Variants in PLCZ1 observed in about 807,000 individuals in gnomAD.
The protein encoded by PLCZ1 is 1-phosphatidylinositol 4,5-bisphosphate phosphodiesterase zeta-1.
Under a neutral mutation model 76.8 loss-of-function variants are expected in PLCZ1, and 64 were observed. The observed-to-expected ratio is 0.83, with a 90% CI of 0.68 to 1.03. The LOEUF (loss-of-function observed/expected upper bound fraction) is 1.03, where lower values mean the gene tolerates loss of function less well. Among genes scored for constraint, PLCZ1 ranks in the 50% least tolerant of loss-of-function variants. The pLI, the probability that PLCZ1 is intolerant of heterozygous loss-of-function variation, is 0.00. For missense variants in PLCZ1, 751 were observed against 713.7 expected (o/e 1.05, Z -0.60); for synonymous variants, 248 against 230.8 (o/e 1.07, Z -0.68).
At chr12:18,707,724 A>G (rs904276977) in intron 6 of PLCZ1, among the ~76,000 whole-genome samples, 1 of 152,074 alleles carries the variant, frequency 6.6e-6, no homozygotes, top group East Asian at 1.9e-4. Flanking sequence ...TCTTTTTCCA[A>G]ATAGTGACTA....
chr12:18,671,050 G>A, the PLCZ1 span, among the ~76,000 whole-genome samples: 2 of 151,924 alleles, frequency 1.3e-5, no homozygotes, highest in East Asian at 1.9e-4. Context: ...GGTGGTGTGC[G>A]CCTGTAATCC....
chr12:18,735,906 A>T (rs144948839), intron 3 of PLCZ1: 1 of 180,966 alleles, frequency 5.5e-6, no homozygotes, highest in African/African-American at 2.4e-5. Flanking sequence ...CTTATTCTCC[A>T]CTCTTTTTAT....
intron 6 of PLCZ1, among the ~76,000 whole-genome samples, chr12:18,707,498 G>C (rs1018754107): frequency 7.2e-5 from 11 of 152,044 alleles, no homozygotes; most frequent in African/African-American, 2.7e-4. Context: ...TGGATGTTGA[G>C]GAGTTTGCTC....
intron 2 of PLCZ1, chr12:18,736,562 C>T (rs1241810102): frequency 1.6e-6 from 2 of 1,260,438 alleles, no homozygotes; most frequent in East Asian, 3.7e-5. Flanking sequence ...AGTAAAAATA[C>T]AAAAAAAAGA....
chr12:18,668,207 C>T, the PLCZ1 span, among the ~76,000 whole-genome samples: 1 of 152,114 alleles, frequency 6.6e-6, no homozygotes, highest in African/African-American at 2.4e-5. Flanking sequence ...TCAATAACAT[C>T]CCCTACAGAA....
Sources: allele counts gnomAD v4.1 joint callset (sites outside exome capture counted in the v4.1 genomes callset), GRCh38; gene constraint gnomAD v4.1.1; transcripts MANE v1.5; gene names NCBI Gene and HGNC (gene_info 2026-07-23, HGNC 2026-07-21).